Variants in SP110 observed in about 807,000 individuals in gnomAD.
SP110 encodes the protein interferon-induced protein 41, 30kD.
A neutral mutation model predicts 92.7 loss-of-function variants in SP110; 62 were observed. That is an observed-to-expected ratio of 0.67 (90% CI 0.55 to 0.83). The LOEUF is 0.83. SP110 is among the 40% of genes least tolerant of loss of function. The probability of loss-of-function intolerance (pLI) is 0.00; values close to 1 mark genes in which losing one functional copy is unlikely to be tolerated. For synonymous variants in SP110, 273 were observed against 305.3 expected (o/e 0.89, Z 1.10); for missense variants, 793 against 863.9 (o/e 0.92, Z 1.03).
At chr2:230,200,799 T>G in intron 10 of SP110, 86 bp downstream of exon 10, 1 of 1,074,350 alleles carries the variant, frequency 9.3e-7, no homozygotes, top group Non-Finnish European at 1.4e-6. Flanking sequence ...AAAAAAAAAG[T>G]TAAGAAATAT....
chr2:230,198,133 C>CCAGAAGTCCTT (rs780494562), intron 10 of SP110, among the ~76,000 whole-genome samples: 208 of 152,266 alleles, frequency 1.4e-3, no homozygotes, highest in African/African-American at 4.1e-3. Context: ...TGGAAGTCCT[C>CCAGAAGTCCTT]TGTAGGGCCC....
intron 10 of SP110, among the ~76,000 whole-genome samples, chr2:230,199,662 G>A (rs564907458): frequency 1.2e-4 from 19 of 152,128 alleles, no homozygotes; most frequent in African/African-American, 4.3e-4. Flanking sequence ...ATAACAGTAA[G>A]GTAACATCAA....
chr2:230,191,541 G>A (rs1014891865), intron 10 of SP110, among the ~76,000 whole-genome samples: 2 of 152,080 alleles, frequency 1.3e-5, no homozygotes, highest in East Asian at 3.9e-4. Context: ...AGAAGAAATG[G>A]ATAAATTCCT....
At chr2:230,174,556 CA>C (rs1031951819) in intron 14 of SP110, among the ~76,000 whole-genome samples, 1 of 151,986 alleles carries the variant, frequency 6.6e-6, no homozygotes, top group Non-Finnish European at 1.5e-5. Flanking sequence ...AAAAAAAAAC[CA>C]AAACCCCAAA....
chr2:230,198,408 A>G (rs1192635889), intron 10 of SP110, among the ~76,000 whole-genome samples: 1 of 152,154 alleles, frequency 6.6e-6, no homozygotes. Flanking sequence ...GGGCAGTCAT[A>G]ATGCCCACCA....
chr2:230,195,405 G>GCT lies in SP110; in HGVS notation c.1129+5478_1129+5479dup, dbSNP rs199739751. Among the ~76,000 whole-genome samples the GCT allele has an allele frequency of 6.1e-3, 922 of 152,278 alleles. 4 individuals carry two copies. The highest frequency in any genetic ancestry group is 0.021 in the African/African-American group (874 of 41,530). On this transcript the variant is annotated intron_variant, in intron 10 of 18. Coordinates refer to ENST00000258381, the MANE Select transcript of SP110 (RefSeq NM_080424.4). Reference sequence around the variant, plus strand: ...GCTGGAGTGCAGTGGCATAATCTCAGCTCACTGCAATCTCCACATCCTGGG... The same window carrying GCT: ...GCTGGAGTGCAGTGGCATAATCTCAGCTCTCACTGCAATCTCCACATCCTGGG...
intron 16 of SP110, 80 bp from the exon 17 acceptor site, chr2:230,171,847 G>A (rs968003184): frequency 2.7e-6 from 3 of 1,109,704 alleles, no homozygotes; most frequent in Non-Finnish European, 4.2e-6. Flanking sequence ...ACATGCACAC[G>A]GATGGGGCAG....
chr2:230,221,117 C>G (rs2045780759), upstream of SP110, among the ~76,000 whole-genome samples: 1 of 151,566 alleles, frequency 6.6e-6, no homozygotes, highest in African/African-American at 2.4e-5. Context: ...CCCATCTCTA[C>G]TAAAAATACA....
At chr2:230,202,455 C>G in intron 9 of SP110, 124 bp downstream of exon 9, 2 of 868,884 alleles carry the variant, frequency 2.3e-6, no homozygotes, top group Non-Finnish European at 3.7e-6. Context: ...TATACCCCAT[C>G]CTCATTCTCT....
At chr2:230,173,630 A>G (rs1051120794) in intron 14 of SP110, 2 of 152,950 alleles carry the variant, frequency 1.3e-5, no homozygotes, top group African/African-American at 4.8e-5. Flanking sequence ...CTATTTAGAG[A>G]AAGGGTGATT....
intron 13 of SP110, 29 bp downstream of exon 13, chr2:230,178,128 T>G: frequency 1.4e-6 from 2 of 1,387,466 alleles, no homozygotes; most frequent in Admixed American, 1.7e-5. Flanking sequence ...ATCTAGGGAT[T>G]CCAAAGAGCA....
chr2:230,178,662 A>C (rs1044157067), intron 12 of SP110, among the ~76,000 whole-genome samples: 1 of 152,184 alleles, frequency 6.6e-6, no homozygotes, highest in African/African-American at 2.4e-5. Context: ...TCCTGACTTA[A>C]ATGAAGACTT....
chr2:230,221,788 T>C (rs1310605023), upstream of SP110: 3 of 1,427,580 alleles, frequency 2.1e-6, no homozygotes, highest in African/African-American at 2.8e-5. Flanking sequence ...TTTAGATCTA[T>C]TCAGAGATAC....
upstream of SP110, among the ~76,000 whole-genome samples, chr2:230,222,548 G>A (rs912407612): frequency 3.9e-5 from 6 of 151,978 alleles, no homozygotes; most frequent in African/African-American, 7.3e-5. Flanking sequence ...GCAAGACCTC[G>A]TCTCTACAAA....
chr2:230,213,043 G>T lies in SP110; in HGVS notation c.317-16C>A. The T allele has an allele frequency of 6.2e-7, 1 of 1,613,316 alleles. No individual in the cohort carries two copies. The highest frequency in any genetic ancestry group is 1.1e-5 in the South Asian group (1 of 91,066). On this transcript the variant is annotated splice_polypyrimidine_tract_variant and intron_variant, in intron 3 of 18. Coordinates refer to ENST00000258381, the MANE Select transcript of SP110 (RefSeq NM_080424.4). Reference sequence around the variant, plus strand: ...GAAGCACCAACTGGGATTGGTGAAGGGACACACATCAGTACCCTGGAGACT... The same window carrying T: ...GAAGCACCAACTGGGATTGGTGAAGTGACACACATCAGTACCCTGGAGACT...
chr2:230,218,842 A>G (rs926099785), intron 1 of SP110, among the ~76,000 whole-genome samples: 2 of 152,222 alleles, frequency 1.3e-5, no homozygotes, highest in African/African-American at 4.8e-5. Context: ...CTAGAAAATA[A>G]AAAAGCAAAA....
intron 10 of SP110, among the ~76,000 whole-genome samples, chr2:230,198,240 AG>A (rs1412404743): frequency 2.0e-5 from 3 of 152,140 alleles, no homozygotes; most frequent in Non-Finnish European, 2.9e-5. Flanking sequence ...AAGAATGTGG[AG>A]AGCTGCAATG....
intron 12 of SP110, among the ~76,000 whole-genome samples, chr2:230,179,102 GA>G (rs1377514170): frequency 2.0e-5 from 3 of 152,208 alleles, no homozygotes; most frequent in Non-Finnish European, 4.4e-5. Context: ...GTTATTGAAA[GA>G]GCTAAAGGAA....
rs570491848 is a variant in SP110 at position 230,210,093 on chromosome 2, G to A, written c.752-85C>T. ...GGAAGTCAATGCAAGAACTAGAAAA[G>A]TAGAAAGTACATGCAGCCCAGGGCC... On this transcript the variant is annotated intron_variant, in intron 6 of 18. Transcript: ENST00000258381. The A allele has an allele frequency of 2.7e-4, 226 of 851,170 alleles. 1 individual carries two copies. In the South Asian group the frequency reaches 2.8e-3, roughly 11 times the overall value. The allele number at this position is 851,170 out of a possible 1,614,324, so 52.7% of individuals were successfully genotyped here. A position where few individuals can be genotyped will look rare whatever the true frequency, so the allele number is the denominator to read the frequency against.
Sources: gnomAD v4.1 joint callset for allele counts (sites outside exome capture counted in the v4.1 genomes callset) on GRCh38, gnomAD v4.1.1 for gene constraint, MANE v1.5 for transcripts, NCBI Gene and HGNC (gene_info 2026-07-23, HGNC 2026-07-21) for gene names.